SLC41A2: variants seen among roughly 807,000 people sequenced by gnomAD.
SLC41A2 encodes SLC41A1-like 1.
Under a neutral mutation model 58.3 loss-of-function variants are expected in SLC41A2, and 32 were observed. That is an observed-to-expected ratio of 0.55 (90% CI 0.41 to 0.74). SLC41A2 has a LOEUF of 0.74. SLC41A2 is among the 30% of genes least tolerant of loss of function. The pLI is 0.00. For missense variants in SLC41A2, 514 were observed against 680.6 expected (o/e 0.76, Z 2.72); for synonymous variants, 190 against 235.0 (o/e 0.81, Z 1.75).
chr12:104,924,106 A>C (rs1185908006), intron 2 of SLC41A2, among the ~76,000 whole-genome samples: 1 of 152,242 alleles, frequency 6.6e-6, no homozygotes, highest in African/African-American at 2.4e-5. Flanking sequence ...AACAGCTCCC[A>C]TAAATCTATA....
intron 1 of SLC41A2, among the ~76,000 whole-genome samples, chr12:104,938,557 TG>T (rs1430054503): frequency 6.6e-6 from 1 of 152,184 alleles, no homozygotes; most frequent in Non-Finnish European, 1.5e-5. Flanking sequence ...AATTCAGCTA[TG>T]TCTCTTTGCT....
At chr12:104,863,307 T>G (rs2043280806) in intron 7 of SLC41A2, among the ~76,000 whole-genome samples, 1 of 152,104 alleles carries the variant, frequency 6.6e-6, no homozygotes, top group Admixed American at 6.6e-5. Context: ...GGTGGGTGCA[T>G]GCCTGTAGTC....
intron 10 of SLC41A2, among the ~76,000 whole-genome samples, chr12:104,806,193 T>TAAA (rs34095808): frequency 6.6e-6 from 1 of 152,180 alleles, no homozygotes; most frequent in African/African-American, 2.4e-5. Context: ...TAGGTTTATC[T>TAAA]CCTAATGCTA....
chr12:104,840,055 T>C (rs114667439), intron 10 of SLC41A2, among the ~76,000 whole-genome samples: 2,862 of 152,324 alleles, frequency 0.019, 32 homozygotes, highest in African/African-American at 0.035. Flanking sequence ...AGGTTTATTA[T>C]GCTGTCAAGG....
chr12:104,861,792 TAA>T lies in SLC41A2; in HGVS notation c.1176-424_1176-423del, dbSNP rs1212432997. Among the ~76,000 whole-genome samples, 4 of 152,176 alleles carry T rather than the reference TAA, an allele frequency of 2.6e-5. No homozygotes were observed. In the East Asian group the frequency reaches 7.7e-4, roughly 29 times the overall value. On this transcript the variant is annotated intron_variant, in intron 7 of 10. Transcript: ENST00000258538. ...CACTCTTATAATTTAAAAAATAATT[TAA>T]AAAAGAGTATGGTTTCATATTTGAA...
At chr12:104,880,318 G>T (rs1232368001) in intron 6 of SLC41A2, among the ~76,000 whole-genome samples, 1 of 152,142 alleles carries the variant, frequency 6.6e-6, no homozygotes, top group African/African-American at 2.4e-5. Flanking sequence ...TCTTTCTCCT[G>T]CCTGATTGCC....
At chr12:104,915,677 A>G (rs1248020575) in intron 2 of SLC41A2, among the ~76,000 whole-genome samples, 1 of 152,118 alleles carries the variant, frequency 6.6e-6, no homozygotes, top group African/African-American at 2.4e-5. Flanking sequence ...GGGCTGATAT[A>G]ATGGGGTTTT....
At chr12:104,927,482 C>T (rs925542249) in intron 2 of SLC41A2, among the ~76,000 whole-genome samples, 9 of 152,048 alleles carry the variant, frequency 5.9e-5, no homozygotes, top group African/African-American at 2.2e-4. Flanking sequence ...GAAAAACTCT[C>T]ATATGTATAT....
chr12:104,910,728 C>A (rs1044547155), intron 2 of SLC41A2, among the ~76,000 whole-genome samples: 1 of 151,970 alleles, frequency 6.6e-6, no homozygotes, highest in African/African-American at 2.4e-5. Context: ...CAATGAGATA[C>A]CAAATTCCAA....
chr12:104,874,214 C>T (rs1045462958), intron 6 of SLC41A2, among the ~76,000 whole-genome samples: 1 of 152,062 alleles, frequency 6.6e-6, no homozygotes, highest in Non-Finnish European at 1.5e-5. Flanking sequence ...GCTGGGACTA[C>T]AGGCGCCTGC....
At chr12:104,913,823 G>C (rs1002273638) in intron 2 of SLC41A2, among the ~76,000 whole-genome samples, 2 of 152,162 alleles carry the variant, frequency 1.3e-5, no homozygotes, top group African/African-American at 4.8e-5. Context: ...TGTAATCCCA[G>C]CACTCTGGAA....
At chr12:104,933,961 T>C (rs2047166825) in intron 1 of SLC41A2, among the ~76,000 whole-genome samples, 1 of 151,958 alleles carries the variant, frequency 6.6e-6, no homozygotes, top group South Asian at 2.1e-4. Context: ...AAACCACCTA[T>C]TAGGTACAAT....
At chr12:104,911,510 A>G (rs957591865) in intron 2 of SLC41A2, among the ~76,000 whole-genome samples, 4 of 152,256 alleles carry the variant, frequency 2.6e-5, no homozygotes, top group Admixed American at 6.5e-5. Flanking sequence ...TGATTATCCC[A>G]GTAAGATATT....
At chr12:104,826,310 T>C (rs1438548258) in intron 10 of SLC41A2, among the ~76,000 whole-genome samples, 2 of 152,204 alleles carry the variant, frequency 1.3e-5, no homozygotes, top group South Asian at 2.1e-4. Context: ...TTCATTTCAA[T>C]ACCATATGGC....
intron 8 of SLC41A2, among the ~76,000 whole-genome samples, chr12:104,848,614 T>A (rs1565838004): frequency 6.6e-6 from 1 of 152,078 alleles, no homozygotes; most frequent in Non-Finnish European, 1.5e-5. Context: ...ATTAAAAGGA[T>A]AATATAGGAA....
intron 3 of SLC41A2, among the ~76,000 whole-genome samples, chr12:104,906,026 G>A (rs1193058777): frequency 6.6e-6 from 1 of 152,270 alleles, no homozygotes; most frequent in African/African-American, 2.4e-5. Flanking sequence ...GGCAGGGGAG[G>A]TGCCGAGAGC....
chr12:104,805,390 G>C, intron 10 of SLC41A2, 53 bp from the exon 11 acceptor site: 1 of 1,500,060 alleles, frequency 6.7e-7, no homozygotes, highest in South Asian at 1.3e-5. Flanking sequence ...CCTAGCCCAT[G>C]AAACATGGCC....
intron 1 of SLC41A2, among the ~76,000 whole-genome samples, chr12:104,943,043 C>T (rs1304116810): frequency 6.6e-6 from 1 of 152,078 alleles, no homozygotes. Context: ...GCAAAACCCA[C>T]TCAAGGACCA....
At chr12:104,943,296 G>C (rs759971170) in intron 1 of SLC41A2, among the ~76,000 whole-genome samples, 3 of 151,536 alleles carry the variant, frequency 2.0e-5, no homozygotes, top group African/African-American at 7.3e-5. Context: ...AAAGAAATTC[G>C]AGATCAAATA....
Sources: gnomAD v4.1 joint callset for allele counts (sites outside exome capture counted in the v4.1 genomes callset) on GRCh38, gnomAD v4.1.1 for gene constraint, MANE v1.5 for transcripts, NCBI Gene and HGNC (gene_info 2026-07-23, HGNC 2026-07-21) for gene names.